USH2A: variants seen among roughly 807,000 people sequenced by gnomAD.
USH2A encodes usherin.
In USH2A, 443 loss-of-function variants were observed where a neutral mutation model predicts 538.9. The observed-to-expected ratio is 0.82, with a 90% confidence interval of 0.76 to 0.89. USH2A has a LOEUF of 0.89. Among genes scored for constraint, USH2A ranks in the 40% least tolerant of loss-of-function variants. USH2A has a pLI of 0.00. For missense variants in USH2A, 6,633 were observed against 6,324.8 expected (o/e 1.05, Z -1.65); for synonymous variants, 2,413 against 2,273.5 (o/e 1.06, Z -1.75).
At chr1:216,315,883 A>G (rs752974558) in intron 9 of USH2A, among the ~76,000 whole-genome samples, 4 of 152,186 alleles carry the variant, frequency 2.6e-5, no homozygotes, top group Non-Finnish European at 5.9e-5. Flanking sequence ...CTACTTTGAA[A>G]TATTTAACTT....
At chr1:216,381,720 T>C (rs554685600) in intron 3 of USH2A, among the ~76,000 whole-genome samples, 1 of 152,348 alleles carries the variant, frequency 6.6e-6, no homozygotes, top group Admixed American at 6.5e-5. Flanking sequence ...TAAATTTCTT[T>C]TCCTTTTTCA....
At chr1:216,234,487 C>G (rs757206346) in intron 13 of USH2A, among the ~76,000 whole-genome samples, 1 of 152,048 alleles carries the variant, frequency 6.6e-6, no homozygotes, top group African/African-American at 2.4e-5. Context: ...TATTCTTGTA[C>G]CTGATTCATC....
chr1:216,146,851 C>T (rs2033716881), intron 21 of USH2A, among the ~76,000 whole-genome samples: 1 of 152,108 alleles, frequency 6.6e-6, no homozygotes, highest in Non-Finnish European at 1.5e-5. Flanking sequence ...AGCCTGTGTC[C>T]TTAAGAACTT....
chr1:216,063,646 T>A (rs769828208), intron 30 of USH2A, among the ~76,000 whole-genome samples: 42 of 152,078 alleles, frequency 2.8e-4, no homozygotes, highest in Non-Finnish European at 4.0e-4. Flanking sequence ...ATTATATCAA[T>A]TATAAAAACA....
chr1:216,048,495 A>G (rs749384708), intron 31 of USH2A, 39 bp downstream of exon 31: 2 of 1,575,970 alleles, frequency 1.3e-6, no homozygotes, highest in Non-Finnish European at 1.7e-6. Flanking sequence ...ATTATTCATG[A>G]CTGAAATGTG....
chr1:216,171,613 C>T (rs895746523), intron 21 of USH2A, among the ~76,000 whole-genome samples: 2 of 151,920 alleles, frequency 1.3e-5, no homozygotes, highest in African/African-American at 4.8e-5. Context: ...TAACTAATAG[C>T]TAATGTTTAA....
At chr1:216,296,824 C>T (rs567199557) in intron 9 of USH2A, among the ~76,000 whole-genome samples, 4 of 152,088 alleles carry the variant, frequency 2.6e-5, no homozygotes, top group African/African-American at 9.6e-5. Flanking sequence ...ATTTCCCTCA[C>T]CAGCAATGCC....
chr1:215,949,563 A>G (rs1184989230), intron 37 of USH2A, among the ~76,000 whole-genome samples: 2 of 152,104 alleles, frequency 1.3e-5, no homozygotes, highest in Non-Finnish European at 2.9e-5. Context: ...AAGCACCACA[A>G]TTCAATCAGA....
intron 4 of USH2A, among the ~76,000 whole-genome samples, chr1:216,351,602 G>A (rs2038288734): frequency 6.6e-6 from 1 of 152,168 alleles, no homozygotes; most frequent in Non-Finnish European, 1.5e-5. Flanking sequence ...TGGTAAAATG[G>A]AGAAACAATA....
chr1:215,752,543 A>G (rs997512370), intron 58 of USH2A, among the ~76,000 whole-genome samples: 2 of 152,166 alleles, frequency 1.3e-5, no homozygotes, highest in African/African-American at 4.8e-5. Flanking sequence ...AAATCTTCCT[A>G]CACCTGGAAT....
intron 11 of USH2A, among the ~76,000 whole-genome samples, chr1:216,272,215 T>C (rs1050964302): frequency 1.3e-5 from 2 of 152,142 alleles, no homozygotes; most frequent in Admixed American, 1.3e-4. Context: ...TTTTTGTTGT[T>C]GGTTTTGTGT....
chr1:216,380,178 A>G (rs760805442), intron 3 of USH2A, among the ~76,000 whole-genome samples: 5 of 152,224 alleles, frequency 3.3e-5, no homozygotes, highest in African/African-American at 1.2e-4. Flanking sequence ...TAGAAACAAC[A>G]TAAAAGAAGA....
intron 11 of USH2A, among the ~76,000 whole-genome samples, chr1:216,288,424 T>C (rs1282333045): frequency 6.6e-6 from 1 of 152,140 alleles, no homozygotes; most frequent in Non-Finnish European, 1.5e-5. Flanking sequence ...TGTCTTTTAT[T>C]TGGGAAAGCA....
chr1:215,848,736 T>C (rs368772043), intron 44 of USH2A, among the ~76,000 whole-genome samples: 7 of 152,344 alleles, frequency 4.6e-5, no homozygotes, highest in African/African-American at 1.7e-4. Context: ...CTTCAACACT[T>C]GTTTCTCCAC....
chr1:215,884,114 T>C (rs1254192859), intron 41 of USH2A, among the ~76,000 whole-genome samples: 2 of 152,064 alleles, frequency 1.3e-5, no homozygotes, highest in African/African-American at 4.8e-5. Context: ...AAATAACTAA[T>C]GCATGCAGGG....
chr1:215,852,014 A>C (rs947134933), intron 44 of USH2A, among the ~76,000 whole-genome samples: 1 of 152,188 alleles, frequency 6.6e-6, no homozygotes, highest in Admixed American at 6.5e-5. Flanking sequence ...ACCCTCAGCA[A>C]AATAGGCATA....
intron 61 of USH2A, among the ~76,000 whole-genome samples, chr1:215,698,064 G>A (rs1470806974): frequency 6.6e-6 from 1 of 152,148 alleles, no homozygotes; most frequent in East Asian, 1.9e-4. Context: ...ACTTATGAGT[G>A]AGAACATGTG....
chr1:215,882,316 A>G (rs1029836059), intron 41 of USH2A, among the ~76,000 whole-genome samples: 1 of 152,188 alleles, frequency 6.6e-6, no homozygotes, highest in Non-Finnish European at 1.5e-5. Flanking sequence ...TACCATAAAG[A>G]AAGATCATGT....
chr1:216,156,295 C>CTTTTTTTTTTTTTTTTTTTTTTTTT lies in USH2A; in HGVS notation c.4627+18956_4627+18957insAAAAAAAAAAAAAAAAAAAAAAAAA, dbSNP rs35698520. On this transcript the variant is annotated intron_variant, in intron 21 of 71. Coordinates refer to ENST00000307340, the MANE Select transcript of USH2A (RefSeq NM_206933.4). ...TTCTTTCTTTCTTTCTTTTTTTTTT[C>CTTTTTTTTTTTTTTTTTTTTTTTTT]TTTTTTTTTTTTTTTTTGGCCTAGC... Among the ~76,000 whole-genome samples the CTTTTTTTTTTTTTTTTTTTTTTTTT allele has an allele frequency of 5.7e-5, 6 of 105,526 alleles. 1 individual carries two copies. Among genetic ancestry groups the CTTTTTTTTTTTTTTTTTTTTTTTTT allele is most frequent in the African/African-American group, 1.1e-4 (3 of 27,812 alleles). The allele number at this position is 105,526 out of a possible 152,430, so 69.2% of individuals were successfully genotyped here.
Sources: gnomAD v4.1 joint callset for allele counts (sites outside exome capture counted in the v4.1 genomes callset) on GRCh38, gnomAD v4.1.1 for gene constraint, MANE v1.5 for transcripts, NCBI Gene and HGNC (gene_info 2026-07-23, HGNC 2026-07-21) for gene names.